CDH12: variants seen among roughly 807,000 people sequenced by gnomAD.
The protein encoded by CDH12 is cadherin-12.
In CDH12, 41 loss-of-function variants were observed where a neutral mutation model predicts 74.1. That is an observed-to-expected ratio of 0.55 (90% CI 0.43 to 0.72). The LOEUF is 0.72. Among genes scored for constraint, CDH12 ranks in the 30% least tolerant of loss-of-function variants. CDH12 has a pLI of 0.00. For missense variants in CDH12, 945 were observed against 977.2 expected (o/e 0.97, Z 0.44); for synonymous variants, 399 against 355.0 (o/e 1.12, Z -1.39).
intron 1 of CDH12, among the ~76,000 whole-genome samples, chr5:22,771,402 G>T (rs947154581): frequency 6.6e-6 from 1 of 152,096 alleles, no homozygotes; most frequent in Non-Finnish European, 1.5e-5. Context: ...AGAAGAGAAG[G>T]TTCTTAACAA....
At chr5:21,987,043 C>T (rs187559328) in intron 5 of CDH12, among the ~76,000 whole-genome samples, 1 of 152,014 alleles carries the variant, frequency 6.6e-6, no homozygotes, top group African/African-American at 2.4e-5. Flanking sequence ...AGCAGCTGAA[C>T]CCAAATCTGA....
chr5:22,646,506 C>T (rs768895877), intron 1 of CDH12, among the ~76,000 whole-genome samples: 1 of 151,890 alleles, frequency 6.6e-6, no homozygotes, highest in Non-Finnish European at 1.5e-5. Context: ...CACCTTTCTC[C>T]TTCCTGAAGG....
intron 6 of CDH12, among the ~76,000 whole-genome samples, chr5:21,927,828 G>C (rs563090064): frequency 6.6e-6 from 1 of 151,962 alleles, no homozygotes; most frequent in Non-Finnish European, 1.5e-5. Flanking sequence ...CCAGCACTTT[G>C]GGAGGCCGAG....
chr5:21,809,453 CT>C (rs1329366762), intron 9 of CDH12, among the ~76,000 whole-genome samples: 2 of 152,202 alleles, frequency 1.3e-5, no homozygotes, highest in Non-Finnish European at 2.9e-5. Context: ...GGCCAATTAT[CT>C]TTTCTAACAT....
chr5:22,689,775 G>A (rs1016667243), intron 1 of CDH12, among the ~76,000 whole-genome samples: 2 of 152,070 alleles, frequency 1.3e-5, no homozygotes, highest in African/African-American at 4.8e-5. Context: ...AGTTGGAAGT[G>A]ATGAAGTTTA....
chr5:22,376,534 C>A (rs1407212523), intron 3 of CDH12, among the ~76,000 whole-genome samples: 2 of 151,940 alleles, frequency 1.3e-5, no homozygotes, highest in Non-Finnish European at 2.9e-5. Flanking sequence ...ATTACACATT[C>A]CATTGTAATT....
intron 10 of CDH12, among the ~76,000 whole-genome samples, 183 bp downstream of exon 10, chr5:21,801,982 AAT>A (rs1747135917): frequency 6.6e-6 from 1 of 152,142 alleles, no homozygotes; most frequent in Admixed American, 6.6e-5. Flanking sequence ...AATAGTTGAT[AAT>A]ATGTTTTCCC....
At chr5:21,777,849 C>A (rs1276001714) in intron 11 of CDH12, among the ~76,000 whole-genome samples, 1 of 152,088 alleles carries the variant, frequency 6.6e-6, no homozygotes, top group African/African-American at 2.4e-5. Context: ...ATGTATTTAC[C>A]ATGTACAATA....
chr5:21,849,425 C>T (rs1413308246), intron 7 of CDH12, among the ~76,000 whole-genome samples: 1 of 151,750 alleles, frequency 6.6e-6, no homozygotes, highest in Non-Finnish European at 1.5e-5. Context: ...CATTCCTGGG[C>T]ATGGAATTTA....
chr5:22,721,066 C>T (rs546856437), intron 1 of CDH12, among the ~76,000 whole-genome samples: 1 of 152,360 alleles, frequency 6.6e-6, no homozygotes, highest in East Asian at 1.9e-4. Context: ...GGGAAAATGT[C>T]TCCAGGGCAT....
intron 2 of CDH12, among the ~76,000 whole-genome samples, chr5:22,441,922 T>C (rs2126542914): frequency 6.6e-6 from 1 of 152,228 alleles, no homozygotes; most frequent in South Asian, 2.1e-4. Context: ...CAGGTTGTTC[T>C]CAAACTCCTG....
intron 6 of CDH12, among the ~76,000 whole-genome samples, chr5:21,880,576 C>CCTTCT (rs1752226417): frequency 2.7e-5 from 1 of 36,874 alleles, no homozygotes; most frequent in African/African-American, 1.2e-4. Context: ...TCTTTCTTTC[C>CCTTCT]TTCCTTCCTT....
At chr5:21,942,607 C>T (rs1483015901) in intron 6 of CDH12, among the ~76,000 whole-genome samples, 7 of 151,700 alleles carry the variant, frequency 4.6e-5, no homozygotes, top group Admixed American at 4.6e-4. Flanking sequence ...TGTATATACA[C>T]ATGCAGAAAT....
intron 6 of CDH12, among the ~76,000 whole-genome samples, chr5:21,914,512 T>C (rs1754002766): frequency 6.6e-6 from 1 of 152,054 alleles, no homozygotes; most frequent in Non-Finnish European, 1.5e-5. Flanking sequence ...TACATACCCA[T>C]ACAAAGAGAG....
chr5:22,749,523 T>C (rs1047364581), intron 1 of CDH12, among the ~76,000 whole-genome samples: 2 of 152,218 alleles, frequency 1.3e-5, no homozygotes, highest in African/African-American at 2.4e-5. Flanking sequence ...AGAAATGTTA[T>C]AGGTTTCCTA....
At chr5:22,824,351 A>G (rs994856000) in intron 1 of CDH12, among the ~76,000 whole-genome samples, 10 of 152,164 alleles carry the variant, frequency 6.6e-5, no homozygotes, top group African/African-American at 2.2e-4. Flanking sequence ...TACATACAAG[A>G]AAAAATTATT....
intron 4 of CDH12, among the ~76,000 whole-genome samples, chr5:22,093,212 A>C (rs1366519466): frequency 6.6e-6 from 1 of 152,146 alleles, no homozygotes; most frequent in East Asian, 1.9e-4. Context: ...GTGTGGGGTG[A>C]GGTTTTGAAG....
chr5:22,221,417 G>A (rs1045186816), intron 3 of CDH12, among the ~76,000 whole-genome samples: 1 of 151,814 alleles, frequency 6.6e-6, no homozygotes, highest in Non-Finnish European at 1.5e-5. Flanking sequence ...AAATGTGTCA[G>A]TGTTGTATAA....
At chr5:22,696,171 A>G (rs1412479959) in intron 1 of CDH12, among the ~76,000 whole-genome samples, 2 of 152,006 alleles carry the variant, frequency 1.3e-5, no homozygotes, top group African/African-American at 4.8e-5. Flanking sequence ...GATCGAGACC[A>G]TCCTGGCTAA....
Sources: allele counts gnomAD v4.1 joint callset (sites outside exome capture counted in the v4.1 genomes callset), GRCh38; gene constraint gnomAD v4.1.1; transcripts MANE v1.5; gene names NCBI Gene and HGNC (gene_info 2026-07-23, HGNC 2026-07-21).